Variants in GRM5 observed in about 807,000 individuals in gnomAD.
GRM5 encodes glutamate metabotropic receptor 5, also known as metabotropic glutamate receptor 5.
Under a neutral mutation model 83.1 loss-of-function variants are expected in GRM5, and 19 were observed. The observed-to-expected ratio is 0.23, with a 90% CI of 0.16 to 0.34. The LOEUF (loss-of-function observed/expected upper bound fraction) is 0.34, where lower values mean the gene tolerates loss of function less well. Among genes scored for constraint, GRM5 ranks in the 10% least tolerant of loss-of-function variants. GRM5 has a pLI of 1.00. For synonymous variants in GRM5, 675 were observed against 633.6 expected, an observed-to-expected ratio of 1.07 and a Z score of -0.98; for missense variants, 1,160 against 1,588.3, an observed-to-expected ratio of 0.73 and a Z score of 4.58.
intron 2 of GRM5, among the ~76,000 whole-genome samples, chr11:88,993,788 C>T (rs144125438): frequency 0.035 from 5,303 of 152,166 alleles, 285 homozygotes; most frequent in African/African-American, 0.12. Flanking sequence ...GTGATGTAAT[C>T]ATGGCTCGCT....
chr11:88,520,773 G>A (rs1318318449), intron 9 of GRM5, among the ~76,000 whole-genome samples: 1 of 151,980 alleles, frequency 6.6e-6, no homozygotes, highest in Non-Finnish European at 1.5e-5. Flanking sequence ...GGCTATCTGA[G>A]GTCCTACTCA....
chr11:88,850,032 T>C lies in GRM5; in HGVS notation c.785A>G (p.Lys262Arg), dbSNP rs1348732623. 1 of 1,611,790 alleles carries C rather than the reference T, an allele frequency of 6.2e-7. No individual in the cohort carries two copies. The highest frequency in any genetic ancestry group is 1.3e-5 in the African/African-American group (1 of 74,866). The change falls in exon 3 of 10, where the codon AAG (lysine) becomes AGG (arginine). Residue 262 changes from lysine to arginine, a missense_variant. Lys to Arg is a conservative substitution (Grantham distance 26). Coordinates refer to ENST00000305447, the MANE Select transcript of GRM5 (RefSeq NM_001143831.3). ...AGEQSFDKLL[K>R]KLTSHLPKAR... Reference sequence around the variant, plus strand: ...CTTGGGCAAGTGACTTGTGAGCTTCTTCAGCAGCTTATCAAAGCTCTGCTC... The same window carrying C: ...CTTGGGCAAGTGACTTGTGAGCTTCCTCAGCAGCTTATCAAAGCTCTGCTC...
At chr11:88,835,321 A>G (rs1944074474) in intron 3 of GRM5, among the ~76,000 whole-genome samples, 1 of 152,216 alleles carries the variant, frequency 6.6e-6, no homozygotes, top group Non-Finnish European at 1.5e-5. Context: ...AGAGAATTGT[A>G]ATCATTTTGA....
chr11:88,571,679 C>A (rs1424877173), intron 7 of GRM5, among the ~76,000 whole-genome samples: 1 of 152,140 alleles, frequency 6.6e-6, no homozygotes, highest in Non-Finnish European at 1.5e-5. Context: ...TGCAATTTAA[C>A]CTTAGAGATT....
intron 3 of GRM5, among the ~76,000 whole-genome samples, chr11:88,798,032 C>T (rs1479345668): frequency 6.6e-6 from 1 of 152,098 alleles, no homozygotes; most frequent in Non-Finnish European, 1.5e-5. Context: ...GCTTCTCTCT[C>T]ACTGACTGGA....
intron 3 of GRM5, among the ~76,000 whole-genome samples, chr11:88,689,825 G>C (rs1163520057): frequency 6.6e-6 from 1 of 152,154 alleles, no homozygotes; most frequent in Admixed American, 6.6e-5. Context: ...ATAGCGATAC[G>C]AATAACCAGC....
intron 3 of GRM5, among the ~76,000 whole-genome samples, chr11:88,717,887 T>C (rs754785224): frequency 6.6e-6 from 1 of 151,822 alleles, no homozygotes; most frequent in Middle Eastern, 3.2e-3. Context: ...AGAAGGATAA[T>C]TACGTATTAA....
At chr11:88,990,391 G>C (rs1232565252) in intron 2 of GRM5, among the ~76,000 whole-genome samples, 4 of 150,262 alleles carry the variant, frequency 2.7e-5, no homozygotes, top group Non-Finnish European at 6.0e-5. Flanking sequence ...ACCAAAAAGA[G>C]TCCAGGACCA....
chr11:89,012,113 A>G (rs1940718374), intron 2 of GRM5, among the ~76,000 whole-genome samples: 2 of 152,184 alleles, frequency 1.3e-5, no homozygotes, highest in Non-Finnish European at 2.9e-5. Context: ...GAATGGAGGG[A>G]GTGAGTGAAG....
chr11:88,529,568 T>G (rs919065141), intron 8 of GRM5, among the ~76,000 whole-genome samples: 12 of 151,812 alleles, frequency 7.9e-5, no homozygotes, highest in Non-Finnish European at 2.9e-5. Flanking sequence ...AATGATGAAT[T>G]TGCTTGTTGA....
intron 3 of GRM5, among the ~76,000 whole-genome samples, chr11:88,794,194 C>A (rs1214173585): frequency 3.3e-5 from 5 of 152,266 alleles, no homozygotes; most frequent in Admixed American, 3.3e-4. Context: ...CACTATTCTG[C>A]TTCAGGGGAC....
At chr11:88,845,585 C>T (rs1264044625) in intron 3 of GRM5, among the ~76,000 whole-genome samples, 2 of 151,792 alleles carry the variant, frequency 1.3e-5, no homozygotes, top group African/African-American at 4.8e-5. Flanking sequence ...AGGCGCACGC[C>T]GCGACACCCG....
At chr11:88,524,214 C>CTTTCTTTCTT (rs1555060035) in intron 9 of GRM5, among the ~76,000 whole-genome samples, 4 of 101,402 alleles carry the variant, frequency 3.9e-5, no homozygotes, top group African/African-American at 1.8e-4. Flanking sequence ...TTCTTTCTTT[C>CTTTCTTTCTT]TTTTTTTTTT....
At chr11:88,979,597 G>T (rs769101443) in intron 2 of GRM5, among the ~76,000 whole-genome samples, 23 of 151,834 alleles carry the variant, frequency 1.5e-4, no homozygotes, top group Non-Finnish European at 2.2e-4. Flanking sequence ...CTTTTTTTCA[G>T]GGCCCATCTT....
chr11:88,892,707 C>T (rs1733963049), intron 2 of GRM5, among the ~76,000 whole-genome samples: 1 of 151,930 alleles, frequency 6.6e-6, no homozygotes, highest in African/African-American at 2.4e-5. Context: ...TGTTTTTAAG[C>T]TTTTTACCTA....
At chr11:89,035,193 T>C (rs1321227013) in intron 2 of GRM5, among the ~76,000 whole-genome samples, 1 of 151,794 alleles carries the variant, frequency 6.6e-6, no homozygotes, top group African/African-American at 2.4e-5. Context: ...ATCATTTCCA[T>C]AAAAACATAT....
At chr11:88,970,599 C>T (rs567653882) in intron 2 of GRM5, among the ~76,000 whole-genome samples, 94 of 152,320 alleles carry the variant, frequency 6.2e-4, no homozygotes, top group African/African-American at 2.2e-3. Context: ...TAAACTACTA[C>T]ATTAGTCAAG....
At chr11:88,543,886 TCACGTGTTGAAAACTTAATTGCCGTG>T (rs1942330265) in intron 8 of GRM5, among the ~76,000 whole-genome samples, 1 of 152,036 alleles carries the variant, frequency 6.6e-6, no homozygotes, top group South Asian at 2.1e-4. Flanking sequence ...CACCAAAAGT[TCACGTGTTGAAAACTTAATTGCCGTG>T]TAACAGTATT....
Position 89,014,217 on chromosome 11 carries a change from A to G in GRM5, c.661+32995T>C, listed in dbSNP as rs151184514. Among the ~76,000 whole-genome samples the G allele has an allele frequency of 6.1e-3, 925 of 152,262 alleles. 9 individuals are homozygous for G. Among genetic ancestry groups the G allele is most frequent in the African/African-American group, 0.021 (885 of 41,538 alleles). On this transcript the variant is annotated intron_variant, in intron 2 of 9. Transcript: ENST00000305447. ...CCCTTTTCTTTTCACAATTGTTGCT[A>G]GTAACTCCACCTCTATTTCTTAATA... is the stretch of plus-strand genomic sequence containing the variant.
Sources: gnomAD v4.1 joint callset for allele counts (sites outside exome capture counted in the v4.1 genomes callset) on GRCh38, gnomAD v4.1.1 for gene constraint, MANE v1.5 for transcripts, NCBI Gene and HGNC (gene_info 2026-07-23, HGNC 2026-07-21) for gene names.